The following COLQ variants were observed in gnomAD, a reference collection of about 807,000 sequenced individuals.
COLQ encodes collagen like tail subunit of asymmetric acetylcholinesterase.
Under a neutral mutation model 69.0 loss-of-function variants are expected in COLQ, and 48 were observed. The observed-to-expected ratio is 0.70, with a 90% CI of 0.55 to 0.88. COLQ has a LOEUF of 0.88. COLQ is among the 40% of genes least tolerant of loss of function. COLQ has a pLI of 0.00. For synonymous variants in COLQ, 217 were observed against 211.2 expected (o/e 1.03, Z -0.24); for missense variants, 618 against 594.6 (o/e 1.04, Z -0.41).
chr3:15,490,432 A>G (rs2062646247), intron 1 of COLQ, among the ~76,000 whole-genome samples: 1 of 152,216 alleles, frequency 6.6e-6, no homozygotes, highest in Admixed American at 6.5e-5. Flanking sequence ...TCAAGCTCCA[A>G]TCTCTGCACC....
At chr3:15,456,906 T>C (rs372436187) in intron 13 of COLQ, among the ~76,000 whole-genome samples, 5 of 151,952 alleles carry the variant, frequency 3.3e-5, no homozygotes, top group Admixed American at 3.3e-4. Flanking sequence ...CATTGCAACC[T>C]CTGCCTCCCG....
chr3:15,455,908 CG>C lies in COLQ; in HGVS notation c.1185del (p.Asp395GlufsTer31). 1 of 1,614,094 alleles carries C rather than the reference CG, an allele frequency of 6.2e-7. No individual in the cohort carries two copies. The highest frequency in any genetic ancestry group is 8.5e-7 in the Non-Finnish European group (1 of 1,180,000). ...ECDDGNSDVG[D>X]DCIRCHRAYC... is the part of the protein sequence containing the mutation. ...TCTGGGCCTCACTCACGGATGCAGT[CG>C]TCACCCACATCGCTGTTACCGTCGT... On this transcript the variant is annotated frameshift_variant, in exon 15 of 17. Transcript: ENST00000383788. LOFTEE classifies it high-confidence loss of function.
chr3:15,460,045 T>A (rs896828607), intron 12 of COLQ, among the ~76,000 whole-genome samples: 6 of 152,192 alleles, frequency 3.9e-5, no homozygotes, highest in African/African-American at 1.4e-4. Flanking sequence ...GGAAGACTTT[T>A]TGAATCCTCA....
At chr3:15,500,636 C>A (rs1172423468) in intron 1 of COLQ, among the ~76,000 whole-genome samples, 1 of 152,116 alleles carries the variant, frequency 6.6e-6, no homozygotes, top group Admixed American at 6.5e-5. Flanking sequence ...TCACGAATAT[C>A]TTCTGCCTCT....
chr3:15,511,294 C>T (rs2062981422), intron 1 of COLQ, among the ~76,000 whole-genome samples: 1 of 152,214 alleles, frequency 6.6e-6, no homozygotes, highest in South Asian at 2.1e-4. Context: ...GGCCAACCCC[C>T]TGCCTACATG....
At chr3:15,492,056 CAAA>C (rs58987336) in intron 1 of COLQ, among the ~76,000 whole-genome samples, 2 of 97,704 alleles carry the variant, frequency 2.0e-5, no homozygotes, top group Non-Finnish European at 2.1e-5. Flanking sequence ...GACTCCATCT[CAAA>C]AAAAAAAAAA....
At position 15,479,556 on chromosome 3, in the gene COLQ, G is replaced by A. The variant is rs147757340; in HGVS notation, c.322-174C>T. Among the ~76,000 whole-genome samples, 230 of 152,192 alleles carry A rather than the reference G, an allele frequency of 1.5e-3. 1 individual carries two copies. Among genetic ancestry groups the A allele is most frequent in the African/African-American group, 5.3e-3 (220 of 41,510 alleles). Reference sequence around the variant, plus strand: ...GCCCTCCAGCCCAGTCCCCTCCTCTGTTCCTCCTCTTTAGCTTTCTCTGAG... The same window carrying A: ...GCCCTCCAGCCCAGTCCCCTCCTCTATTCCTCCTCTTTAGCTTTCTCTGAG... On this transcript the variant is annotated intron_variant, in intron 3 of 16. Transcript: ENST00000383788.
At chr3:15,483,512 G>A (rs1156582734) in intron 3 of COLQ, among the ~76,000 whole-genome samples, 1 of 152,208 alleles carries the variant, frequency 6.6e-6, no homozygotes, top group African/African-American at 2.4e-5. Context: ...TTTCTATGTA[G>A]TTGAGTGGTT....
chr3:15,450,739 C>T lies in COLQ; in HGVS notation c.*905G>A, dbSNP rs1031095946. 1.3e-4 allele frequency: 20 copies of T among 152,346 alleles called. No homozygotes were observed. The highest frequency in any genetic ancestry group is 4.8e-4 in the African/African-American group (20 of 41,438). The allele number at this position is 152,346 out of a possible 1,614,324, so 9.4% of individuals were successfully genotyped here. ...GAGCCCTCTGCAGCTGGCCCTAGAT[C>T]GGGGACTCAGGGGAGTATCTGCCTA... On this transcript the variant is annotated 3_prime_UTR_variant, in exon 17 of 17. Transcript: ENST00000383788.
intron 3 of COLQ, among the ~76,000 whole-genome samples, chr3:15,486,086 G>A (rs1468809376): frequency 6.6e-6 from 1 of 151,808 alleles, no homozygotes; most frequent in East Asian, 1.9e-4. Context: ...AGTATCTTTG[G>A]TTTATTCACC....
Position 15,451,643 on chromosome 3 carries a change from C to T in COLQ, c.*1G>A. 1 of 1,614,198 alleles carries T rather than the reference C, an allele frequency of 6.2e-7. No individual in the cohort carries two copies. The highest frequency in any genetic ancestry group is 8.5e-7 in the Non-Finnish European group (1 of 1,179,988). Reference sequence around the variant, plus strand: ...CGCAGCCCACCTTCTCCTCACGGCCCTCAGGTGAAGTAGCGGCAGGGCGTG... The same window carrying T: ...CGCAGCCCACCTTCTCCTCACGGCCTTCAGGTGAAGTAGCGGCAGGGCGTG... On this transcript the variant is annotated 3_prime_UTR_variant, in exon 17 of 17. Coordinates refer to ENST00000383788, the MANE Select transcript of COLQ (RefSeq NM_005677.4).
At chr3:15,501,944 C>T (rs2062835921) in intron 1 of COLQ, among the ~76,000 whole-genome samples, 1 of 152,152 alleles carries the variant, frequency 6.6e-6, no homozygotes, top group Non-Finnish European at 1.5e-5. Flanking sequence ...AAACCTATTG[C>T]AATAGTCTTG....
Position 15,474,012 on chromosome 3 carries a change from C to T in COLQ, c.624G>A (p.Met208Ile). The T allele has an allele frequency of 6.2e-7, 1 of 1,614,184 alleles. No homozygotes were observed. The highest frequency in any genetic ancestry group is 8.5e-7 in the Non-Finnish European group (1 of 1,180,012). The change falls in exon 10 of 17, where the codon ATG (methionine) becomes ATA (isoleucine). Residue 208 changes from methionine (M) to isoleucine (I), a missense_variant. By Grantham distance (10) the Met-to-Ile change is conservative (BLOSUM62 1). Coordinates refer to ENST00000383788, the MANE Select transcript of COLQ (RefSeq NM_005677.4). The part of the protein sequence containing the change: ...GEKGFPGFPG[M>I]LGQKGEMGPK... ...CAAGGTTACTTACTTTCTGCCCCAA[C>T]ATTCCAGGAAATCCTGGGAAACCCT...
rs2061938853 is a variant in COLQ, at chr3:15,451,341, C to G, written c.*303G>C. ...GCTCAGCCAAGTCCACGGCCTGGGTCAGCAACATTCCAGAAGAGGAAGAGC... is the reference window on the plus strand; with the variant it reads ...GCTCAGCCAAGTCCACGGCCTGGGTGAGCAACATTCCAGAAGAGGAAGAGC... On this transcript the variant is annotated 3_prime_UTR_variant, in exon 17 of 17. Transcript: ENST00000383788. 3.7e-6 allele frequency: 2 copies of G among 542,104 alleles called. No individual in the cohort carries two copies. The allele number at this position is 542,104 out of a possible 1,614,324, so 33.6% of individuals were successfully genotyped here.
At chr3:15,471,498 A>G (rs984744250) in intron 10 of COLQ, among the ~76,000 whole-genome samples, 4 of 152,240 alleles carry the variant, frequency 2.6e-5, no homozygotes, top group Non-Finnish European at 5.9e-5. Context: ...TCCTATCTCC[A>G]GTAATCCCCC....
intron 1 of COLQ, among the ~76,000 whole-genome samples, chr3:15,500,469 C>T (rs1036808839): frequency 6.6e-6 from 1 of 152,160 alleles, no homozygotes; most frequent in African/African-American, 2.4e-5. Context: ...AACCACATGG[C>T]ATCAAACTTT....
rs865920057 is a variant in COLQ, at chr3:15,497,612, A to C, written c.107-7975T>G. On this transcript the variant is annotated intron_variant, in intron 1 of 16. Coordinates refer to ENST00000383788, the MANE Select transcript of COLQ (RefSeq NM_005677.4). ...AAGTGCAGCCATTTAACTGTTCTGC[A>C]CCTGCCTGTCCAGTTGGTGGACTAG... is the stretch of plus-strand genomic sequence containing the variant. Among the ~76,000 whole-genome samples the C allele has an allele frequency of 4.1e-4, 62 of 152,130 alleles. 1 individual carries two copies. The highest frequency in any genetic ancestry group is 1.4e-3 in the African/African-American group (59 of 41,508).
chr3:15,460,885 T>C (rs886997634), intron 12 of COLQ, among the ~76,000 whole-genome samples: 7 of 152,052 alleles, frequency 4.6e-5, no homozygotes, highest in African/African-American at 1.7e-4. Flanking sequence ...GAGGGTGGCA[T>C]TGGAACAGCC....
In COLQ at chr3:15,450,697, A is replaced by C. The variant is rs1052403877; in HGVS notation, c.*947T>G. The C allele has an allele frequency of 2.6e-5, 4 of 152,442 alleles. No individual in the cohort carries two copies. Among genetic ancestry groups the C allele is most frequent in the African/African-American group, 9.7e-5 (4 of 41,450 alleles). The allele number at this position is 152,442 out of a possible 1,614,324, so 9.4% of individuals were successfully genotyped here. On this transcript the variant is annotated 3_prime_UTR_variant, in exon 17 of 17. Coordinates refer to ENST00000383788, the MANE Select transcript of COLQ (RefSeq NM_005677.4). The stretch of plus-strand genomic sequence containing the variant: ...GCAAAGAGGTAGAGCTCTGGCCAGG[A>C]ACGCTCTGCCTAGAGAGAGCCCTCT...
Sources: gnomAD v4.1 joint callset for allele counts (sites outside exome capture counted in the v4.1 genomes callset) on GRCh38, gnomAD v4.1.1 for gene constraint, MANE v1.5 for transcripts, NCBI Gene and HGNC (gene_info 2026-07-23, HGNC 2026-07-21) for gene names.